SYT1: variants seen among roughly 807,000 people sequenced by gnomAD.
The protein encoded by SYT1 is synaptotagmin-1.
A neutral mutation model predicts 44.8 loss-of-function variants in SYT1; 8 were observed. The observed-to-expected ratio is 0.18, with a 90% CI of 0.10 to 0.32. The LOEUF is 0.32. Among genes scored for constraint, SYT1 ranks in the 10% least tolerant of loss-of-function variants. The pLI, the probability that SYT1 is intolerant of heterozygous loss-of-function variation, is 1.00. For missense variants in SYT1, 286 were observed against 509.3 expected, an observed-to-expected ratio of 0.56 and a Z score of 4.22; for synonymous variants, 154 against 188.8, an observed-to-expected ratio of 0.82 and a Z score of 1.51.
chr12:78,965,215 C>A (rs1369325408), intron 1 of SYT1, among the ~76,000 whole-genome samples: 1 of 152,054 alleles, frequency 6.6e-6, no homozygotes, highest in Admixed American at 6.6e-5. Flanking sequence ...TGATATATTT[C>A]TTAAATAATA....
At chr12:79,222,264 T>TGG (rs1157633404) in intron 4 of SYT1, among the ~76,000 whole-genome samples, 14 of 152,118 alleles carry the variant, frequency 9.2e-5, no homozygotes, top group Admixed American at 9.2e-4. Context: ...GTATATGTCT[T>TGG]GGGGTAGTCT....
At chr12:79,388,000 A>T (rs1210841421) in intron 9 of SYT1, among the ~76,000 whole-genome samples, 1 of 152,228 alleles carries the variant, frequency 6.6e-6, no homozygotes, top group Admixed American at 6.5e-5. Flanking sequence ...ACTTTGTTAT[A>T]TGAACATTTA....
chr12:79,149,196 C>T (rs1870112178), intron 3 of SYT1, among the ~76,000 whole-genome samples: 1 of 151,806 alleles, frequency 6.6e-6, no homozygotes, highest in African/African-American at 2.4e-5. Flanking sequence ...TTCTATTTGA[C>T]CTTTTGAATT....
At position 78,882,081 on chromosome 12, in the gene SYT1, C is replaced by A. The variant is rs371597453; in HGVS notation, c.-217+16972C>A. 2.0e-5 allele frequency among the ~76,000 whole-genome samples: 3 copies of A among 151,686 alleles called. No individual in the cohort carries two copies. In the South Asian group the frequency reaches 6.2e-4, roughly 32 times the overall value. On this transcript the variant is annotated intron_variant, in intron 1 of 10. Coordinates refer to ENST00000261205, the MANE Select transcript of SYT1 (RefSeq NM_005639.3). ...ACTAAGAACATAAACCATAAGAGGT[C>A]GGGGGCCATGTATGCTCTATGGAAG...
At chr12:79,298,139 C>T (rs142883255) in intron 7 of SYT1, among the ~76,000 whole-genome samples, 2,007 of 152,138 alleles carry the variant, frequency 0.013, 19 homozygotes, top group Non-Finnish European at 0.019. Context: ...TTGACTGTTG[C>T]TCTTTGAGTA....
chr12:79,395,116 A>G (rs973514164), intron 9 of SYT1, among the ~76,000 whole-genome samples: 7 of 152,192 alleles, frequency 4.6e-5, no homozygotes, highest in African/African-American at 1.4e-4. Flanking sequence ...GTAGAGAGGA[A>G]GACTGGTTGT....
At chr12:78,991,443 C>A (rs889434592) in intron 2 of SYT1, among the ~76,000 whole-genome samples, 12 of 152,040 alleles carry the variant, frequency 7.9e-5, no homozygotes, top group African/African-American at 2.7e-4. Flanking sequence ...AATGAAAAAA[C>A]CTCACAGTTA....
At chr12:78,876,866 A>ATTATATGTATTATATATTAT (rs1565697808) in intron 1 of SYT1, among the ~76,000 whole-genome samples, 13 of 12,888 alleles carry the variant, frequency 1.0e-3, no homozygotes, top group Non-Finnish European at 1.3e-3. Flanking sequence ...TAATATATAT[A>ATTATATGTATTATATATTAT]ATATATTATA....
chr12:79,105,633 C>A lies in SYT1; in HGVS notation c.-18+58271C>A, dbSNP rs1592752894. Among the ~76,000 whole-genome samples, 3 of 152,286 alleles carry A rather than the reference C, an allele frequency of 2.0e-5. No homozygotes were observed. The South Asian group carries it at 6.2e-4, about 32-fold the overall frequency. Reference sequence around the variant, plus strand: ...TGGTGGCTCACGCCTGTAATCCCAGCACTTTGGTAGGCCGAGGCAGACAGA... The same window carrying A: ...TGGTGGCTCACGCCTGTAATCCCAGAACTTTGGTAGGCCGAGGCAGACAGA... On this transcript the variant is annotated intron_variant, in intron 3 of 10. Transcript: ENST00000261205.
At chr12:79,057,719 G>A (rs1389969204) in intron 3 of SYT1, among the ~76,000 whole-genome samples, 1 of 151,862 alleles carries the variant, frequency 6.6e-6, no homozygotes, top group Non-Finnish European at 1.5e-5. Flanking sequence ...GGGTGTCCAA[G>A]GGAGAGAGTA....
intron 1 of SYT1, among the ~76,000 whole-genome samples, chr12:78,955,256 G>T (rs945273253): frequency 6.6e-6 from 1 of 152,072 alleles, no homozygotes; most frequent in African/African-American, 2.4e-5. Context: ...CAGAAGACAA[G>T]AAAAGCGTTG....
At chr12:79,167,345 A>G (rs1009198550) in intron 3 of SYT1, among the ~76,000 whole-genome samples, 1 of 152,022 alleles carries the variant, frequency 6.6e-6, no homozygotes, top group African/African-American at 2.4e-5. Context: ...TAGCCTGAAT[A>G]ATACTTTTTA....
At chr12:79,242,964 T>C (rs901570015) in intron 4 of SYT1, among the ~76,000 whole-genome samples, 3 of 152,232 alleles carry the variant, frequency 2.0e-5, no homozygotes, top group Non-Finnish European at 4.4e-5. Context: ...CAGTACCATA[T>C]GGCTGGAGAA....
intron 3 of SYT1, among the ~76,000 whole-genome samples, chr12:79,107,071 A>G (rs1488594994): frequency 6.6e-6 from 1 of 151,990 alleles, no homozygotes; most frequent in African/African-American, 2.4e-5. Flanking sequence ...AAATAATAAA[A>G]CTTATGTAAG....
chr12:79,103,233 A>G (rs1264812355), intron 3 of SYT1, among the ~76,000 whole-genome samples: 1 of 152,210 alleles, frequency 6.6e-6, no homozygotes, highest in African/African-American at 2.4e-5. Context: ...GAATATTCAA[A>G]TAAGAAAATA....
intron 3 of SYT1, among the ~76,000 whole-genome samples, chr12:79,052,376 C>A (rs550068541): frequency 2.0e-5 from 3 of 151,966 alleles, no homozygotes; most frequent in African/African-American, 4.8e-5. Flanking sequence ...TAAAGACTTA[C>A]ATGTTAGACC....
At chr12:79,179,157 T>TATAGATATAGATATATAG (rs1872185830) in intron 3 of SYT1, among the ~76,000 whole-genome samples, 1 of 83,016 alleles carries the variant, frequency 1.2e-5, no homozygotes, top group African/African-American at 4.0e-5. Flanking sequence ...GATATATAGA[T>TATAGATATAGATATATAG]ATATAGATAT....
chr12:79,304,439 G>A (rs1880295077), intron 8 of SYT1, among the ~76,000 whole-genome samples: 1 of 152,122 alleles, frequency 6.6e-6, no homozygotes, highest in South Asian at 2.1e-4. Context: ...AAAGATAGAG[G>A]CAGTACAGAT....
rs1355563505 is a variant in SYT1 at position 79,418,803 on chromosome 12, A to G, written c.929-25270A>G. Among the ~76,000 whole-genome samples, 3 of 152,152 alleles carry G rather than the reference A, an allele frequency of 2.0e-5. No homozygotes were observed. The East Asian group carries it at 5.8e-4, about 29-fold the overall frequency. ...AACCAATGGCCCTGAAATGTGTTCA[A>G]TATCAGGTATATCAGAGCCCGAGAG... On this transcript the variant is annotated intron_variant, in intron 9 of 10. Transcript: ENST00000261205.
Sources: gnomAD v4.1 joint callset for allele counts (sites outside exome capture counted in the v4.1 genomes callset) on GRCh38, gnomAD v4.1.1 for gene constraint, MANE v1.5 for transcripts, NCBI Gene and HGNC (gene_info 2026-07-23, HGNC 2026-07-21) for gene names.